CNIH3: variants seen among roughly 807,000 people sequenced by gnomAD.
CNIH3 encodes the protein protein cornichon homolog 3.
CNIH3 carries 14 observed loss-of-function variants against 24.1 expected under a neutral mutation model. That is an observed-to-expected ratio of 0.58 (90% CI 0.38 to 0.91). The LOEUF is 0.91. Ranked by LOEUF, CNIH3 falls within the 40% of genes least tolerant of loss-of-function variation. The probability of loss-of-function intolerance (pLI) is 0.00; values close to 1 mark genes in which losing one functional copy is unlikely to be tolerated. For synonymous variants in CNIH3, 68 were observed against 73.8 expected (o/e 0.92, Z 0.40); for missense variants, 178 against 196.8 (o/e 0.90, Z 0.57).
At chr1:224,584,366 C>A (rs1027866665) in intron 5 of CNIH3, among the ~76,000 whole-genome samples, 1 of 152,308 alleles carries the variant, frequency 6.6e-6, no homozygotes, top group East Asian at 1.9e-4. Context: ...AATATTATGC[C>A]TGGCAGTATT....
intron 3 of CNIH3, among the ~76,000 whole-genome samples, chr1:224,695,804 C>T (rs567069779): frequency 6.6e-5 from 10 of 152,320 alleles, no homozygotes; most frequent in African/African-American, 2.2e-4. Context: ...CTGCATTCAT[C>T]GGCAGAGGCA....
At chr1:224,653,628 C>A (rs1419084098) in intron 1 of CNIH3, among the ~76,000 whole-genome samples, 1 of 152,184 alleles carries the variant, frequency 6.6e-6, no homozygotes, top group Non-Finnish European at 1.5e-5. Flanking sequence ...CAAGACTTTG[C>A]AGTCTCTCTT....
intron 3 of CNIH3, among the ~76,000 whole-genome samples, chr1:224,698,822 G>A (rs888687715): frequency 1.7e-4 from 26 of 152,332 alleles, no homozygotes; most frequent in African/African-American, 6.3e-4. Flanking sequence ...TGCAGCCAGC[G>A]CAGCACATAG....
intron 1 of CNIH3, among the ~76,000 whole-genome samples, chr1:224,469,231 C>T (rs2102994347): frequency 6.6e-6 from 1 of 152,206 alleles, no homozygotes; most frequent in East Asian, 1.9e-4. Context: ...CAGGTGCATG[C>T]CACCATGCCC....
chr1:224,452,357 G>A lies in CNIH3; in HGVS notation n.203+17495G>A, dbSNP rs543467797. On this transcript the variant is annotated intron_variant and non_coding_transcript_variant, in intron 1 of 5. Transcript: ENST00000471578. ...TAGGGACAGGGTTTCACCATGTTGG[G>A]CAGGCTGGTCTCAAACTCCTGACCT... Among the ~76,000 whole-genome samples, 8 of 151,678 alleles carry A rather than the reference G, an allele frequency of 5.3e-5. No homozygotes were observed. In the South Asian group the frequency reaches 1.7e-3, roughly 32 times the overall value.
intron 5 of CNIH3, among the ~76,000 whole-genome samples, chr1:224,584,812 A>T (rs1040163167): frequency 5.3e-5 from 8 of 152,194 alleles, no homozygotes; most frequent in Non-Finnish European, 1.0e-4. Context: ...TTAGTGTAAG[A>T]TAAGAAAATG....
intron 3 of CNIH3, among the ~76,000 whole-genome samples, chr1:224,716,475 T>C: frequency 6.6e-6 from 1 of 152,178 alleles, no homozygotes; most frequent in East Asian, 1.9e-4. Context: ...ATGTCCTGCA[T>C]TTTGCTTGGG....
intron 1 of CNIH3, among the ~76,000 whole-genome samples, chr1:224,627,014 C>T (rs1683567556): frequency 1.3e-5 from 2 of 152,128 alleles, no homozygotes; most frequent in Admixed American, 6.5e-5. Flanking sequence ...CTTCTGTGTG[C>T]CTGTGCCTGG....
At chr1:224,455,474 A>G (rs1186877322) in intron 1 of CNIH3, among the ~76,000 whole-genome samples, 1 of 152,138 alleles carries the variant, frequency 6.6e-6, no homozygotes, top group Non-Finnish European at 1.5e-5. Flanking sequence ...GACTTTGGAG[A>G]GGTTTGGAAT....
At chr1:224,488,809 C>T (rs1324608877) in intron 1 of CNIH3, among the ~76,000 whole-genome samples, 2 of 151,860 alleles carry the variant, frequency 1.3e-5, no homozygotes, top group African/African-American at 4.8e-5. Flanking sequence ...TTTTTCAGTT[C>T]TATAATTTCT....
intron 3 of CNIH3, among the ~76,000 whole-genome samples, chr1:224,601,582 G>A (rs1302202993): frequency 2.0e-5 from 3 of 151,964 alleles, no homozygotes; most frequent in Non-Finnish European, 4.4e-5. Context: ...CCTGATGGTC[G>A]TCTGACATTC....
intron 3 of CNIH3, 22 bp from the exon 4 acceptor site, chr1:224,730,440 C>G (rs540271788): frequency 6.8e-6 from 10 of 1,474,686 alleles, no homozygotes; most frequent in South Asian, 1.2e-5. Flanking sequence ...AACTCAGGGC[C>G]GTGTCTCTGC....
downstream of CNIH3, among the ~76,000 whole-genome samples, chr1:224,539,295 G>T (rs2124945659): frequency 6.6e-6 from 1 of 152,178 alleles, no homozygotes; most frequent in South Asian, 2.1e-4. Flanking sequence ...TTAAACTCCA[G>T]GGTCTCTTGA....
At chr1:224,701,963 G>A (rs970714354) in intron 3 of CNIH3, among the ~76,000 whole-genome samples, 1 of 152,114 alleles carries the variant, frequency 6.6e-6, no homozygotes, top group Non-Finnish European at 1.5e-5. Context: ...ATATTAATAA[G>A]CTGCCCCACC....
At chr1:224,434,696 C>CGGCGGCGGCG (rs1197567397) in exon 1 of CNIH3, 11 of 932,482 alleles carry the variant, frequency 1.2e-5, no homozygotes, top group East Asian at 1.2e-4. Context: ...GCTGCGGCGG[C>CGGCGGCGGCG]GGCGGCGGCG....
chr1:224,598,767 A>T (rs1291314858), intron 3 of CNIH3, among the ~76,000 whole-genome samples: 2 of 152,232 alleles, frequency 1.3e-5, no homozygotes, highest in Non-Finnish European at 2.9e-5. Flanking sequence ...AGTATTTTCA[A>T]ATTAAGGTTT....
chr1:224,544,081 T>C (rs927567570), intron 2 of CNIH3, among the ~76,000 whole-genome samples: 1 of 152,198 alleles, frequency 6.6e-6, no homozygotes, highest in East Asian at 1.9e-4. Context: ...AGAGGTTCTT[T>C]CTGTGCTGTT....
chr1:224,563,040 C>T (rs1248988946), intron 3 of CNIH3, among the ~76,000 whole-genome samples: 1 of 152,128 alleles, frequency 6.6e-6, no homozygotes, highest in African/African-American at 2.4e-5. Context: ...CTGGAAATTC[C>T]ACTCCTAGGT....
chr1:224,621,864 T>G (rs907582550), intron 1 of CNIH3, among the ~76,000 whole-genome samples: 2 of 152,158 alleles, frequency 1.3e-5, no homozygotes, highest in Non-Finnish European at 2.9e-5. Flanking sequence ...TCTCCACGTG[T>G]TGTGGGAAGG....
Sources: gnomAD v4.1 joint callset for allele counts (sites outside exome capture counted in the v4.1 genomes callset) on GRCh38, gnomAD v4.1.1 for gene constraint, MANE v1.5 for transcripts, NCBI Gene and HGNC (gene_info 2026-07-23, HGNC 2026-07-21) for gene names.